B3GALT1: variants seen among roughly 807,000 people sequenced by gnomAD.
The protein encoded by B3GALT1 is beta-1,3-galactosyltransferase 1, also known as UDP-Gal:betaGlcNAc beta 1,3-galactosyltransferase, polypeptide 1.
In B3GALT1, 10 loss-of-function variants were observed where a neutral mutation model predicts 23.2. That is an observed-to-expected ratio of 0.43 (90% CI 0.27 to 0.73). The LOEUF is 0.73. B3GALT1 is among the 30% of genes least tolerant of loss of function. The pLI is 0.21. For missense variants in B3GALT1, 299 were observed against 405.4 expected (o/e 0.74, Z 2.25); for synonymous variants, 156 against 141.5 (o/e 1.10, Z -0.73).
At chr2:167,504,188 T>A (rs1699886575) in intron 2 of B3GALT1, among the ~76,000 whole-genome samples, 1 of 152,186 alleles carries the variant, frequency 6.6e-6, no homozygotes, top group African/African-American at 2.4e-5. Context: ...TGAAGTTTTG[T>A]AATTCTGTGC....
intron 3 of B3GALT1, among the ~76,000 whole-genome samples, chr2:167,786,181 T>C (rs903723242): frequency 2.6e-5 from 4 of 152,212 alleles, no homozygotes; most frequent in Non-Finnish European, 2.9e-5. Context: ...TGAAGTAGTA[T>C]AAAAAAGACA....
At chr2:167,365,125 T>G (rs1235230574) in intron 1 of B3GALT1, among the ~76,000 whole-genome samples, 2 of 152,194 alleles carry the variant, frequency 1.3e-5, no homozygotes, top group Non-Finnish European at 2.9e-5. Context: ...GTTTGGGAAT[T>G]TTTTGACTAC....
At chr2:167,413,834 G>A (rs925306230) in intron 1 of B3GALT1, among the ~76,000 whole-genome samples, 3 of 151,810 alleles carry the variant, frequency 2.0e-5, no homozygotes, top group Admixed American at 6.6e-5. Context: ...TTGCCTCAGT[G>A]TGATTAATTT....
At chr2:167,584,994 G>T (rs764191219) in intron 2 of B3GALT1, among the ~76,000 whole-genome samples, 5 of 152,092 alleles carry the variant, frequency 3.3e-5, no homozygotes, top group Non-Finnish European at 7.4e-5. Flanking sequence ...CATCCCCAGG[G>T]GAGGGTGCTA....
intron 3 of B3GALT1, among the ~76,000 whole-genome samples, chr2:167,696,364 CCTAGCA>C (rs1230721529): frequency 6.7e-6 from 1 of 149,122 alleles, no homozygotes; most frequent in East Asian, 2.0e-4. Context: ...ATGTAAAATA[CCTAGCA>C]CTGTATCTGA....
chr2:167,340,038 A>T (rs982102333), intron 1 of B3GALT1, among the ~76,000 whole-genome samples: 1 of 152,214 alleles, frequency 6.6e-6, no homozygotes, highest in African/African-American at 2.4e-5. Flanking sequence ...TGGATTCTAA[A>T]GCTGCACAAG....
At position 167,801,802 on chromosome 2, in the gene B3GALT1, T is replaced by C. The variant is rs115553951; in HGVS notation, c.-351-16870T>C. ...ATGACAACATTTGTGGGGAAAGAAT[T>C]TCAAGTATTTTAGATTGATTTACCA... On this transcript the variant is annotated intron_variant, in intron 3 of 4. Coordinates refer to ENST00000392690, the MANE Select transcript of B3GALT1 (RefSeq NM_020981.4). Among the ~76,000 whole-genome samples, 482 of 152,268 alleles carry C rather than the reference T, an allele frequency of 3.2e-3. 6 individuals are homozygous for C. Among genetic ancestry groups the C allele is most frequent in the African/African-American group, 0.011 (468 of 41,546 alleles).
chr2:167,309,823 A>G (rs1696610872), intron 1 of B3GALT1, among the ~76,000 whole-genome samples: 1 of 152,070 alleles, frequency 6.6e-6, no homozygotes, highest in Admixed American at 6.6e-5. Context: ...TATTTAGATA[A>G]TTCTTATTTA....
intron 2 of B3GALT1, among the ~76,000 whole-genome samples, chr2:167,565,804 C>T (rs560437605): frequency 4.2e-4 from 64 of 152,156 alleles, no homozygotes; most frequent in African/African-American, 1.5e-3. Flanking sequence ...CAATGAGATA[C>T]CATCTCACAC....
At chr2:167,474,202 G>T (rs557011322) in intron 1 of B3GALT1, among the ~76,000 whole-genome samples, 1 of 152,270 alleles carries the variant, frequency 6.6e-6, no homozygotes, top group East Asian at 1.9e-4. Context: ...AATTTTAACA[G>T]CTGTTTGACT....
At chr2:167,521,968 A>G (rs1034363767) in intron 2 of B3GALT1, among the ~76,000 whole-genome samples, 1 of 138,860 alleles carries the variant, frequency 7.2e-6, no homozygotes, top group East Asian at 2.3e-4. Flanking sequence ...ACCAACATAT[A>G]TGTGTGTGTG....
chr2:167,514,026 C>T (rs1315210778), intron 2 of B3GALT1, among the ~76,000 whole-genome samples: 1 of 152,156 alleles, frequency 6.6e-6, no homozygotes, highest in Non-Finnish European at 1.5e-5. Flanking sequence ...CCTGCCTCAG[C>T]CTCCTGAGTA....
At chr2:167,571,102 C>T (rs1300190933) in intron 2 of B3GALT1, among the ~76,000 whole-genome samples, 2 of 151,936 alleles carry the variant, frequency 1.3e-5, no homozygotes, top group Non-Finnish European at 2.9e-5. Flanking sequence ...CCAGGTATCA[C>T]ATTCTAAAAG....
intron 2 of B3GALT1, among the ~76,000 whole-genome samples, chr2:167,521,984 GTATATATA>G (rs550521896): frequency 2.4e-5 from 3 of 122,636 alleles, no homozygotes; most frequent in African/African-American, 6.0e-5. Flanking sequence ...GTGTGTGTGT[GTATATATA>G]TATATATATA....
chr2:167,583,252 C>G (rs1919852), intron 2 of B3GALT1, among the ~76,000 whole-genome samples: 131,789 of 152,192 alleles, frequency 0.87, 57,397 homozygotes, highest in African/African-American at 0.97. Context: ...CCCTTGGATG[C>G]CAGGGGCAGA....
At chr2:167,545,023 CTTTTTTTT>C (rs869066627) in intron 2 of B3GALT1, among the ~76,000 whole-genome samples, 30 of 54,284 alleles carry the variant, frequency 5.5e-4, no homozygotes, top group South Asian at 1.0e-3. Context: ...GCTTGGGTGT[CTTTTTTTT>C]TTTTTTTTTT....
intron 2 of B3GALT1, among the ~76,000 whole-genome samples, chr2:167,585,770 A>C (rs1684574930): frequency 2.0e-5 from 3 of 152,242 alleles, no homozygotes; most frequent in African/African-American, 7.2e-5. Context: ...GAACAACTCA[A>C]ATATCCATCA....
rs891718171 is a variant in B3GALT1, at chr2:167,378,527, CT to C, written c.-511+85202del. Among the ~76,000 whole-genome samples the C allele has an allele frequency of 1.6e-4, 24 of 150,796 alleles. 1 individual carries two copies. In the East Asian group the frequency reaches 2.5e-3, roughly 16 times the overall value. ...AGGCCTTGTTTATTTTTTAAAATTC[CT>C]TTTTTTTTATTTTTGTCTGACTGGG... On this transcript the variant is annotated intron_variant, in intron 1 of 4. Coordinates refer to ENST00000392690, the MANE Select transcript of B3GALT1 (RefSeq NM_020981.4).
chr2:167,421,258 A>G (rs773779977), intron 1 of B3GALT1, among the ~76,000 whole-genome samples: 12 of 152,228 alleles, frequency 7.9e-5, no homozygotes, highest in African/African-American at 1.9e-4. Flanking sequence ...TCACATTGCA[A>G]TTGCTCAGTA....
Sources: gnomAD v4.1 joint callset for allele counts (sites outside exome capture counted in the v4.1 genomes callset) on GRCh38, gnomAD v4.1.1 for gene constraint, MANE v1.5 for transcripts, NCBI Gene and HGNC (gene_info 2026-07-23, HGNC 2026-07-21) for gene names.